Variants in RANBP17 observed in about 807,000 individuals in gnomAD.
RANBP17 encodes the protein ran-binding protein 17.
Under a neutral mutation model 141.2 loss-of-function variants are expected in RANBP17, and 158 were observed. The ratio of observed to expected loss-of-function variants is 1.12; its 90% confidence interval spans 0.98 to 1.28. RANBP17 has a LOEUF of 1.28. Among genes scored for constraint, RANBP17 ranks in the 50% most tolerant of loss-of-function variants. The probability of loss-of-function intolerance (pLI) is 0.00; values close to 1 mark genes in which losing one functional copy is unlikely to be tolerated. For synonymous variants in RANBP17, 430 were observed against 450.0 expected, an observed-to-expected ratio of 0.96 and a Z score of 0.56; for missense variants, 1,438 against 1,290.7, an observed-to-expected ratio of 1.11 and a Z score of -1.75.
At chr5:171,176,297 A>G (rs1349199322) in intron 16 of RANBP17, among the ~76,000 whole-genome samples, 1 of 151,900 alleles carries the variant, frequency 6.6e-6, no homozygotes, top group Non-Finnish European at 1.5e-5. Flanking sequence ...TACCTTTCCC[A>G]GCTCCATTTG....
chr5:171,244,885 G>C (rs1407697096), intron 24 of RANBP17, among the ~76,000 whole-genome samples: 3 of 152,046 alleles, frequency 2.0e-5, no homozygotes, highest in African/African-American at 7.2e-5. Context: ...CAGCACTTTG[G>C]GAGGCCGAGC....
At chr5:171,057,689 G>T (rs181957139) in intron 14 of RANBP17, among the ~76,000 whole-genome samples, 123 of 152,060 alleles carry the variant, frequency 8.1e-4, no homozygotes, top group African/African-American at 2.8e-3. Flanking sequence ...GTTTTCTGTT[G>T]CTGGGGAGGC....
chr5:171,052,804 T>G (rs564048798), intron 14 of RANBP17, among the ~76,000 whole-genome samples: 1 of 152,338 alleles, frequency 6.6e-6, no homozygotes, highest in Non-Finnish European at 1.5e-5. Context: ...ATTATTTTCA[T>G]AAGTATTGCC....
intron 14 of RANBP17, among the ~76,000 whole-genome samples, chr5:171,126,836 C>A (rs1219442907): frequency 6.6e-6 from 1 of 152,086 alleles, no homozygotes. Context: ...AATAAAAAGT[C>A]TCCCAAAAAA....
Position 171,183,181 on chromosome 5 carries a change from A to G in RANBP17, c.1880A>G (p.Lys627Arg), listed in dbSNP as rs1490840503. The G allele has an allele frequency of 6.4e-7, 1 of 1,561,662 alleles. No individual in the cohort carries two copies. The highest frequency in any genetic ancestry group is 8.8e-7 in the Non-Finnish European group (1 of 1,132,532). The change falls in exon 17 of 28, where the codon AAA (lysine) becomes AGA (arginine). Residue 627 changes from lysine (K) to arginine (R), a missense_variant. Transcript: ENST00000523189. The part of the protein sequence containing the change: ...NDLSVGYILL[K>R]KLVKIDAVKF... ...ACTTCTATTACTTATATCCTTTTAAAAAAACTTGTGAAGATAGATGCTGTG... is the reference window on the plus strand; with the variant it reads ...ACTTCTATTACTTATATCCTTTTAAGAAAACTTGTGAAGATAGATGCTGTG...
chr5:170,916,489 G>C lies in RANBP17; in HGVS notation c.859G>C (p.Ala287Pro), dbSNP rs776386793. ...QLALSCLVQF[A>P]STRRSLFNSP... ...GGCACTTTCATGTTTAGTTCAGTTT[G>C]CTTCGACAAGAAGGTCCTTATTTAA... The change falls in exon 9 of 28, where the codon GCT becomes CCT. Residue 287 changes from alanine to proline, a missense_variant. Transcript: ENST00000523189. 1 of 1,569,280 alleles carries C rather than the reference G, an allele frequency of 6.4e-7. No homozygotes were observed. Among genetic ancestry groups the C allele is most frequent in the South Asian group, 1.2e-5 (1 of 82,444 alleles).
intron 14 of RANBP17, among the ~76,000 whole-genome samples, chr5:170,985,368 C>T (rs1037085268): frequency 1.3e-5 from 2 of 151,974 alleles, no homozygotes; most frequent in Non-Finnish European, 2.9e-5. Flanking sequence ...AAAAATAGAC[C>T]CATAAACAGT....
intron 12 of RANBP17, among the ~76,000 whole-genome samples, chr5:170,931,414 A>G (rs182991936): frequency 0.017 from 2,577 of 152,018 alleles, 43 homozygotes; most frequent in Non-Finnish European, 0.023. Flanking sequence ...CTCTTTAATT[A>G]GATCCAATTT....
intron 14 of RANBP17, among the ~76,000 whole-genome samples, chr5:171,123,016 C>A (rs974531432): frequency 6.6e-6 from 1 of 152,166 alleles, no homozygotes; most frequent in African/African-American, 2.4e-5. Context: ...GGCAGTGCAG[C>A]ACACCAGGAG....
intron 14 of RANBP17, among the ~76,000 whole-genome samples, chr5:171,048,478 C>CT (rs57740312): frequency 0.051 from 7,283 of 142,940 alleles, 448 homozygotes; most frequent in African/African-American, 0.15. Flanking sequence ...CTACCCTTTT[C>CT]TTTTTTTTTT....
chr5:170,950,540 A>G (rs1194540164), intron 12 of RANBP17, among the ~76,000 whole-genome samples: 3 of 152,162 alleles, frequency 2.0e-5, no homozygotes, highest in East Asian at 1.9e-4. Flanking sequence ...GTGAGATGCC[A>G]TCTTACCCCA....
At chr5:171,094,524 A>T (rs886909802) in intron 14 of RANBP17, among the ~76,000 whole-genome samples, 22 of 152,222 alleles carry the variant, frequency 1.4e-4, no homozygotes, top group African/African-American at 4.6e-4. Context: ...TCCTTTGAGG[A>T]TCCTCTTCGC....
intron 14 of RANBP17, among the ~76,000 whole-genome samples, chr5:171,135,418 T>C (rs1186784661): frequency 1.3e-5 from 2 of 152,184 alleles, no homozygotes; most frequent in African/African-American, 2.4e-5. Flanking sequence ...TTCCGTATTT[T>C]AAAAGGTGGA....
chr5:171,025,041 G>C (rs76748326), intron 14 of RANBP17, among the ~76,000 whole-genome samples: 2,766 of 152,220 alleles, frequency 0.018, 81 homozygotes, highest in African/African-American at 0.064. Flanking sequence ...TATTGCTTAT[G>C]TCAGTACTCT....
In RANBP17 at chr5:170,881,835, A is replaced by G. The variant is rs148349569; in HGVS notation, c.195A>G (p.Thr65=). The part of the protein sequence containing the change: ...TTSYAQLLAA[T]CLSKLVSRVS... ...CCTATGCTCAGCTCCTTGCAGCAAC[A>G]TGTCTTTCAAAACTTGTCAGCCGAG... The change falls in exon 3 of 28, where the codon ACA becomes ACG. Residue 65 remains threonine, a synonymous_variant. Transcript: ENST00000523189. 59 of 1,609,586 alleles carry G rather than the reference A, an allele frequency of 3.7e-5. No individual in the cohort carries two copies. The Admixed American group carries it at 8.4e-4, about 23-fold the overall frequency.
chr5:171,213,258 A>T (rs1200298627), intron 20 of RANBP17, among the ~76,000 whole-genome samples: 1 of 152,210 alleles, frequency 6.6e-6, no homozygotes, highest in African/African-American at 2.4e-5. Flanking sequence ...ACTCAAATAT[A>T]TTTTTATCCT....
intron 25 of RANBP17, among the ~76,000 whole-genome samples, chr5:171,276,043 A>G (rs1347602133): frequency 6.6e-6 from 1 of 152,240 alleles, no homozygotes; most frequent in Non-Finnish European, 1.5e-5. Flanking sequence ...AAGCAAAGTA[A>G]GAAAAGATTT....
intron 20 of RANBP17, among the ~76,000 whole-genome samples, chr5:171,208,095 G>A (rs975304678): frequency 6.6e-6 from 1 of 152,156 alleles, no homozygotes; most frequent in South Asian, 2.1e-4. Context: ...CCACATAAAT[G>A]TGTGTTCTTT....
chr5:170,875,777 T>G (rs1768127791), intron 1 of RANBP17, among the ~76,000 whole-genome samples: 1 of 152,184 alleles, frequency 6.6e-6, no homozygotes, highest in South Asian at 2.1e-4. Context: ...TCTGTCCAAT[T>G]CTCTGCCCTT....
Sources: gnomAD v4.1 joint callset for allele counts (sites outside exome capture counted in the v4.1 genomes callset) on GRCh38, gnomAD v4.1.1 for gene constraint, MANE v1.5 for transcripts, NCBI Gene and HGNC (gene_info 2026-07-23, HGNC 2026-07-21) for gene names.